Variants in FARP1 observed in about 807,000 individuals in gnomAD.
FARP1 encodes FERM, ARH/RhoGEF and pleckstrin domain protein 1.
Under a neutral mutation model 128.8 loss-of-function variants are expected in FARP1, and 52 were observed. The observed-to-expected ratio is 0.40, with a 90% CI of 0.32 to 0.51. FARP1 has a LOEUF of 0.51. FARP1 is among the 20% of genes least tolerant of loss of function. FARP1 has a pLI of 0.45. For synonymous variants in FARP1, 580 were observed against 551.8 expected, an observed-to-expected ratio of 1.05 and a Z score of -0.72; for missense variants, 1,333 against 1,367.9, an observed-to-expected ratio of 0.97 and a Z score of 0.40.
chr13:98,414,754 T>A (rs902571869), intron 16 of FARP1, among the ~76,000 whole-genome samples: 3 of 152,160 alleles, frequency 2.0e-5, no homozygotes, highest in Non-Finnish European at 2.9e-5. Context: ...TCCTTCAAAA[T>A]TCAAGGTTCG....
intron 23 of FARP1, 107 bp downstream of exon 23, chr13:98,440,342 A>T (rs753612063): frequency 3.2e-5 from 26 of 817,258 alleles, no homozygotes; most frequent in Non-Finnish European, 5.0e-5. Flanking sequence ...TCCGTGGTGT[A>T]CATTTGTGTT....
intron 3 of FARP1, among the ~76,000 whole-genome samples, chr13:98,361,150 T>G (rs560327887): frequency 2.6e-5 from 4 of 152,292 alleles, no homozygotes; most frequent in South Asian, 4.1e-4. Context: ...TCTAATGGTT[T>G]AAGTCCAGCG....
At chr13:98,277,140 A>ACC (rs1884693310) in intron 2 of FARP1, among the ~76,000 whole-genome samples, 1 of 150,294 alleles carries the variant, frequency 6.7e-6, no homozygotes. Flanking sequence ...ACACACACAC[A>ACC]CACACACACC....
intron 2 of FARP1, among the ~76,000 whole-genome samples, chr13:98,283,292 G>A (rs116143388): frequency 0.015 from 2,254 of 152,280 alleles, 34 homozygotes; most frequent in African/African-American, 0.038. Context: ...AGAGGAAGCC[G>A]TTCATGCAAA....
intron 2 of FARP1, among the ~76,000 whole-genome samples, chr13:98,300,521 G>A (rs1230633861): frequency 2.0e-5 from 3 of 152,152 alleles, no homozygotes; most frequent in Non-Finnish European, 2.9e-5. Flanking sequence ...TTATATAACA[G>A]CAGTTTTATA....
Position 98,453,587 on chromosome 13 carries a change from AACCC to A in FARP1, c.*5272_*5275del, listed in dbSNP as rs962029797. 1 of 172,540 alleles carries A rather than the reference AACCC, an allele frequency of 5.8e-6. No homozygotes were observed. The highest frequency in any genetic ancestry group is 2.4e-5 in the African/African-American group (1 of 41,790). 10.7% of individuals were successfully genotyped at this position (172,540 alleles called of 1,614,324 possible). ...ATGCATTCCCGATGTGAGGGCAGGA[AACCC>A]ATTTTGGCCATAAAAATAGTGATGC... On this transcript the variant is annotated 3_prime_UTR_variant, in exon 27 of 27. Transcript: ENST00000319562.
intron 1 of FARP1, among the ~76,000 whole-genome samples, chr13:98,174,611 G>A (rs953567567): frequency 5.3e-5 from 8 of 152,180 alleles, no homozygotes; most frequent in African/African-American, 1.7e-4. Context: ...CTTTGGCAAG[G>A]ACAATTCTTA....
At chr13:98,411,786 G>T (rs1891202549) in intron 15 of FARP1, 115 bp from the exon 16 acceptor site, 7 of 1,127,828 alleles carry the variant, frequency 6.2e-6, no homozygotes, top group South Asian at 1.5e-5. Flanking sequence ...CAAGAACCTC[G>T]CAGGAAAGCC....
chr13:98,362,968 A>G lies in FARP1; in HGVS notation c.277-2427A>G, dbSNP rs868770936. On this transcript the variant is annotated intron_variant, in intron 3 of 26. Coordinates refer to ENST00000319562, the MANE Select transcript of FARP1 (RefSeq NM_005766.4). ...GAATCCACCTACTTTCTCAAACTCT[A>G]CTTCTGCCATTCTGGTCCAAAATAC... Among the ~76,000 whole-genome samples the G allele has an allele frequency of 7.2e-5, 11 of 152,094 alleles. No homozygotes were observed. In the East Asian group the frequency reaches 1.9e-3, roughly 27 times the overall value.
rs71120307 is a variant in FARP1, at chr13:98,149,729, CTTTTTT to C, written c.-24+6258_-24+6263del. Among the ~76,000 whole-genome samples the C allele has an allele frequency of 6.5e-3, 343 of 52,416 alleles. 4 individuals are homozygous for C. Among genetic ancestry groups the C allele is most frequent in the East Asian group, 0.054 (68 of 1,264 alleles). 34.4% of individuals were successfully genotyped at this position (52,416 alleles called of 152,430 possible). On this transcript the variant is annotated intron_variant, in intron 1 of 26. Transcript: ENST00000319562. ...TTTGTGAGTGTCTGTTAGATATTTA[CTTTTTT>C]TTTTTTTTTTTTTTTTTTTTGAGAC...
chr13:98,437,123 C>T (rs1892302283), intron 19 of FARP1, among the ~76,000 whole-genome samples: 1 of 152,068 alleles, frequency 6.6e-6, no homozygotes, highest in Admixed American at 6.6e-5. Flanking sequence ...CTTCGTTTTC[C>T]CCCACCTACA....
intron 2 of FARP1, among the ~76,000 whole-genome samples, chr13:98,325,970 T>TAG: frequency 6.6e-6 from 1 of 152,360 alleles, no homozygotes; most frequent in South Asian, 2.1e-4. Flanking sequence ...CTGACAGGCT[T>TAG]AGAGGGACAT....
chr13:98,255,649 A>T (rs1432358668), intron 2 of FARP1, among the ~76,000 whole-genome samples: 1 of 152,258 alleles, frequency 6.6e-6, no homozygotes, highest in African/African-American at 2.4e-5. Context: ...TATGCATAAG[A>T]TGGAAAATAT....
At chr13:98,279,883 A>G (rs1594353689) in intron 2 of FARP1, among the ~76,000 whole-genome samples, 1 of 152,052 alleles carries the variant, frequency 6.6e-6, no homozygotes, top group East Asian at 1.9e-4. Context: ...CCCCGGTACC[A>G]GGCGACGCCC....
At chr13:98,218,721 GT>G (rs1193980504) in intron 2 of FARP1, among the ~76,000 whole-genome samples, 2 of 152,146 alleles carry the variant, frequency 1.3e-5, no homozygotes, top group East Asian at 3.8e-4. Flanking sequence ...TTATGTGCGT[GT>G]GGGGTGGCTG....
rs1223189975 is a variant in FARP1 at position 98,410,814 on chromosome 13, T to C, written c.1683T>C (p.Val561=). 1 of 1,553,542 alleles carries C rather than the reference T, an allele frequency of 6.4e-7. No individual in the cohort carries two copies. Among genetic ancestry groups the C allele is most frequent in the African/African-American group, 1.4e-5 (1 of 73,994 alleles). Residue 561 remains valine, a synonymous_variant, in exon 15 of 27, where the codon GTT becomes GTC. Coordinates refer to ENST00000319562, the MANE Select transcript of FARP1 (RefSeq NM_005766.4). ...TERTYLKDLE[V]ITSWFQSTVS... is the part of the protein sequence containing the mutation. ...GAACATATCTGAAGGATCTCGAAGTTATCACTTCGGTATGTGCAGTATTTC... is the reference window on the plus strand; with the variant it reads ...GAACATATCTGAAGGATCTCGAAGTCATCACTTCGGTATGTGCAGTATTTC...
chr13:98,165,710 G>GTTTTTTTTTTTTTTTTTTTTTTTT (rs71111927), intron 1 of FARP1, among the ~76,000 whole-genome samples: 2 of 74,132 alleles, frequency 2.7e-5, no homozygotes, highest in African/African-American at 5.9e-5. Flanking sequence ...TCCAGAAGGG[G>GTTTTTTTTTTTTTTTTTTTTTTTT]TTTTTTTTTT....
chr13:98,396,230 C>T (rs1296547220), intron 13 of FARP1: 3 of 399,058 alleles, frequency 7.5e-6, no homozygotes, highest in African/African-American at 2.1e-5. Context: ...TCTAAGGTCC[C>T]TGCTGTGCAG....
intron 2 of FARP1, among the ~76,000 whole-genome samples, chr13:98,256,979 A>ATATATATATATATATATATATG (rs1883646227): frequency 7.3e-6 from 1 of 136,540 alleles, no homozygotes; most frequent in Non-Finnish European, 1.6e-5. Context: ...ATATATATAT[A>ATATATATATATATATATATATG]TATATATATA....
Sources: allele counts gnomAD v4.1 joint callset (sites outside exome capture counted in the v4.1 genomes callset), GRCh38; gene constraint gnomAD v4.1.1; transcripts MANE v1.5; gene names NCBI Gene and HGNC (gene_info 2026-07-23, HGNC 2026-07-21).